Variants in KCNJ6 observed in about 807,000 individuals in gnomAD.
KCNJ6 encodes the protein G protein-activated inward rectifier potassium channel 2.
In KCNJ6, 9 loss-of-function variants were observed where a neutral mutation model predicts 34.2. The observed-to-expected ratio is 0.26, with a 90% confidence interval of 0.16 to 0.46. KCNJ6 has a LOEUF of 0.46. Ranked by LOEUF, KCNJ6 falls within the 20% of genes least tolerant of loss-of-function variation. The probability of loss-of-function intolerance (pLI) is 1.00; values close to 1 mark genes in which losing one functional copy is unlikely to be tolerated. For missense variants in KCNJ6, 236 were observed against 531.3 expected (o/e 0.44, Z 5.46); for synonymous variants, 196 against 207.1 (o/e 0.95, Z 0.46).
At chr21:37,627,884 G>A (rs1348558818) in intron 3 of KCNJ6, among the ~76,000 whole-genome samples, 1 of 152,172 alleles carries the variant, frequency 6.6e-6, no homozygotes, top group African/African-American at 2.4e-5. Flanking sequence ...CAAAGACTGG[G>A]AGATTTTTGG....
chr21:37,643,361 C>T (rs1230580039), intron 3 of KCNJ6, among the ~76,000 whole-genome samples: 1 of 152,222 alleles, frequency 6.6e-6, no homozygotes, highest in East Asian at 1.9e-4. Context: ...AGGAAACAGA[C>T]TGGCCATCAG....
At chr21:37,698,384 G>A (rs891198901) in intron 3 of KCNJ6, among the ~76,000 whole-genome samples, 4 of 152,232 alleles carry the variant, frequency 2.6e-5, no homozygotes, top group South Asian at 2.1e-4. Flanking sequence ...CTCGAAGAGC[G>A]GTTCTGGCTG....
At chr21:37,837,591 G>A (rs549423097) in intron 2 of KCNJ6, among the ~76,000 whole-genome samples, 1 of 152,320 alleles carries the variant, frequency 6.6e-6, no homozygotes, top group East Asian at 1.9e-4. Flanking sequence ...TCCAGTTCTA[G>A]TTAAACATAG....
At chr21:37,893,360 A>C (rs1015284877) in intron 1 of KCNJ6, among the ~76,000 whole-genome samples, 11 of 151,932 alleles carry the variant, frequency 7.2e-5, no homozygotes, top group Non-Finnish European at 1.3e-4. Flanking sequence ...GGCACCTGCC[A>C]CCGTGCCCAG....
chr21:37,791,453 A>G (rs2055216552), intron 2 of KCNJ6, among the ~76,000 whole-genome samples: 1 of 152,182 alleles, frequency 6.6e-6, no homozygotes, highest in Admixed American at 6.5e-5. Context: ...CTCTGGGAGA[A>G]CAAGCACATT....
At chr21:37,670,815 T>A (rs1168000279) in intron 3 of KCNJ6, among the ~76,000 whole-genome samples, 1 of 152,332 alleles carries the variant, frequency 6.6e-6, no homozygotes, top group East Asian at 1.9e-4. Context: ...CTCCAACCTA[T>A]AAGCACAGGA....
intron 2 of KCNJ6, among the ~76,000 whole-genome samples, chr21:37,740,433 T>C (rs558763883): frequency 6.6e-6 from 1 of 152,306 alleles, no homozygotes; most frequent in East Asian, 1.9e-4. Flanking sequence ...TGATCCCAGG[T>C]CTTTAGATAA....
At chr21:37,877,267 T>C (rs1300907855) in intron 1 of KCNJ6, among the ~76,000 whole-genome samples, 1 of 152,226 alleles carries the variant, frequency 6.6e-6, no homozygotes, top group Non-Finnish European at 1.5e-5. Context: ...TCTGAAAGTC[T>C]AAAACAGCAG....
In KCNJ6 at chr21:37,630,576, C is replaced by T. The variant is rs1304192621; in HGVS notation, c.947-5092G>A. On this transcript the variant is annotated intron_variant, in intron 3 of 3. Coordinates refer to ENST00000609713, the MANE Select transcript of KCNJ6 (RefSeq NM_002240.5). ...GAGATTTCTGCTTCCATCATCATGT[C>T]AGTCTGCATATGAAGGACCCTTAGC... Among the ~76,000 whole-genome samples the T allele has an allele frequency of 2.6e-5, 4 of 152,246 alleles. No homozygotes were observed. The East Asian group carries it at 7.7e-4, about 29-fold the overall frequency.
chr21:37,904,355 T>C (rs1601524767), intron 1 of KCNJ6, among the ~76,000 whole-genome samples: 2 of 152,258 alleles, frequency 1.3e-5, no homozygotes, highest in South Asian at 2.1e-4. Context: ...ACTCCACTTA[T>C]GCACACGACA....
intron 2 of KCNJ6, among the ~76,000 whole-genome samples, chr21:37,816,361 T>C (rs539796364): frequency 6.6e-6 from 1 of 152,250 alleles, no homozygotes; most frequent in Non-Finnish European, 1.5e-5. Flanking sequence ...GTTGCTTCTA[T>C]GCTCTAGATA....
At chr21:37,800,183 T>C (rs1318895032) in intron 2 of KCNJ6, among the ~76,000 whole-genome samples, 1 of 152,172 alleles carries the variant, frequency 6.6e-6, no homozygotes, top group East Asian at 1.9e-4. Context: ...TTCCCTGGAA[T>C]GGAGACTTCT....
intron 3 of KCNJ6, among the ~76,000 whole-genome samples, chr21:37,674,582 G>A (rs1449556461): frequency 6.6e-6 from 1 of 150,956 alleles, no homozygotes; most frequent in East Asian, 2.0e-4. Context: ...GCCTTTGCAT[G>A]CAGGTCCTCT....
At chr21:37,780,512 A>C (rs979091296) in intron 2 of KCNJ6, among the ~76,000 whole-genome samples, 10 of 152,118 alleles carry the variant, frequency 6.6e-5, no homozygotes, top group Non-Finnish European at 5.9e-5. Context: ...GTATTGTTAC[A>C]ATCATATCAA....
intron 3 of KCNJ6, among the ~76,000 whole-genome samples, chr21:37,646,377 C>T (rs2054404314): frequency 6.6e-6 from 1 of 152,216 alleles, no homozygotes; most frequent in Admixed American, 6.5e-5. Context: ...ATTATCTCAT[C>T]AATTTATATT....
chr21:37,904,226 A>G (rs990002063), intron 1 of KCNJ6, among the ~76,000 whole-genome samples: 3 of 152,180 alleles, frequency 2.0e-5, no homozygotes, highest in Non-Finnish European at 2.9e-5. Context: ...CAGGTGAAAT[A>G]TACCTTCTGA....
At chr21:37,802,581 G>C (rs2055274385) in intron 2 of KCNJ6, among the ~76,000 whole-genome samples, 2 of 152,148 alleles carry the variant, frequency 1.3e-5, no homozygotes, top group Admixed American at 1.3e-4. Flanking sequence ...AGTGAGAAGA[G>C]GCCAGAAGAT....
At chr21:37,691,433 C>T (rs2054639168) in intron 3 of KCNJ6, among the ~76,000 whole-genome samples, 1 of 152,182 alleles carries the variant, frequency 6.6e-6, no homozygotes, top group Non-Finnish European at 1.5e-5. Context: ...GGCATTTTGA[C>T]ACCCTCCCAG....
At chr21:37,626,376 C>T (rs1022171570) in intron 3 of KCNJ6, among the ~76,000 whole-genome samples, 8 of 152,262 alleles carry the variant, frequency 5.3e-5, no homozygotes, top group Middle Eastern at 3.4e-3. Flanking sequence ...TCAGGCAATC[C>T]GCCTGCCTCA....
Sources: allele counts gnomAD v4.1 joint callset (sites outside exome capture counted in the v4.1 genomes callset), GRCh38; gene constraint gnomAD v4.1.1; transcripts MANE v1.5; gene names NCBI Gene and HGNC (gene_info 2026-07-23, HGNC 2026-07-21).